The following CCDC15 variants were observed in gnomAD, a reference collection of about 807,000 sequenced individuals.
CCDC15 encodes the protein coiled-coil domain containing 15.
CCDC15 carries 105 observed loss-of-function variants against 114.5 expected under a neutral mutation model. The observed-to-expected ratio is 0.92, with a 90% confidence interval of 0.78 to 1.08. The LOEUF (loss-of-function observed/expected upper bound fraction) is 1.08, where lower values mean the gene tolerates loss of function less well. CCDC15 is among the 50% of genes least tolerant of loss of function. CCDC15 has a pLI of 0.00. For synonymous variants in CCDC15, 334 were observed against 377.8 expected (o/e 0.88, Z 1.34); for missense variants, 1,105 against 1,093.6 (o/e 1.01, Z -0.15).
intron 8 of CCDC15, 97 bp downstream of exon 8, chr11:124,988,231 T>G: frequency 7.8e-7 from 1 of 1,289,504 alleles, no homozygotes; most frequent in Non-Finnish European, 1.1e-6. Flanking sequence ...TTGGAGATAC[T>G]GTGGGTTCAG....
intron 6 of CCDC15, among the ~76,000 whole-genome samples, chr11:124,977,817 A>T (rs1304249844): frequency 6.6e-6 from 1 of 152,148 alleles, no homozygotes; most frequent in East Asian, 1.9e-4. Context: ...CTGTTACCAC[A>T]ATCTAATTTA....
rs970182683 is a variant in CCDC15, at chr11:125,040,947, G to A, written c.*236G>A. On this transcript the variant is annotated 3_prime_UTR_variant, in exon 16 of 16. Coordinates refer to ENST00000344762, the MANE Select transcript of CCDC15 (RefSeq NM_025004.3). ...TACGGAGCCTATTATTTTAAAATATGATCAGACAAGTAAGGCTTCTCTTAC... is the reference window on the plus strand; with the variant it reads ...TACGGAGCCTATTATTTTAAAATATAATCAGACAAGTAAGGCTTCTCTTAC... 1 of 447,310 alleles carries A rather than the reference G, an allele frequency of 2.2e-6. No homozygotes were observed. Among genetic ancestry groups the A allele is most frequent in the Admixed American group, 3.6e-5 (1 of 27,524 alleles). 27.7% of individuals were successfully genotyped at this position (447,310 alleles called of 1,614,324 possible). A position where few individuals can be genotyped will look rare whatever the true frequency, so the allele number is the denominator to read the frequency against.
chr11:125,010,535 A>T (rs900030577), intron 13 of CCDC15, among the ~76,000 whole-genome samples: 1 of 151,744 alleles, frequency 6.6e-6, no homozygotes, highest in African/African-American at 2.4e-5. Context: ...TAATTTTTGT[A>T]TTTTTAGTAG....
In CCDC15 at chr11:125,040,804, T is replaced by G; in HGVS notation, c.*93T>G. 9.2e-7 allele frequency: 1 copy of G among 1,081,518 alleles called. No homozygotes were observed. The highest frequency in any genetic ancestry group is 1.3e-6 in the Non-Finnish European group (1 of 756,658). 67.0% of individuals were successfully genotyped at this position (1,081,518 alleles called of 1,614,324 possible). A position where few individuals can be genotyped will look rare whatever the true frequency, so the allele number is the denominator to read the frequency against. On this transcript the variant is annotated 3_prime_UTR_variant, in exon 16 of 16. Transcript: ENST00000344762. ...GAAAAGCTGTTCAAGTTATAAAATATATAATCTGGGAAGAAATACTGTCTC... is the reference window on the plus strand; with the variant it reads ...GAAAAGCTGTTCAAGTTATAAAATAGATAATCTGGGAAGAAATACTGTCTC...
chr11:124,959,382 T>G (rs1591566749), intron 3 of CCDC15, 118 bp downstream of exon 3: 1 of 858,358 alleles, frequency 1.2e-6, no homozygotes, highest in African/African-American at 1.8e-5. Context: ...ATAATCTAAT[T>G]AACTAGTGAA....
chr11:125,029,293 C>A (rs1948723335), intron 13 of CCDC15, among the ~76,000 whole-genome samples: 1 of 152,158 alleles, frequency 6.6e-6, no homozygotes, highest in Admixed American at 6.5e-5. Flanking sequence ...TTAACCATCA[C>A]AAGTCTACCA....
At position 124,954,777 on chromosome 11, in the gene CCDC15, G is replaced by A. The variant is rs750287409; in HGVS notation, c.45G>A (p.Arg15=). The change falls in exon 2 of 16, where the codon AGG becomes AGA. Residue 15 remains arginine (R), a synonymous_variant. Coordinates refer to ENST00000344762, the MANE Select transcript of CCDC15 (RefSeq NM_025004.3). ...GAAAGAAACCTCGAAATACCTCAAGGTTGCCCCTGGCTTTAAACCCCCTGA... is the reference window on the plus strand; with the variant it reads ...GAAAGAAACCTCGAAATACCTCAAGATTGCCCCTGGCTTTAAACCCCCTGA... ...MARKKPRNTS[R]LPLALNPLKS... The A allele has an allele frequency of 4.3e-6, 7 of 1,613,862 alleles. No homozygotes were observed. Among genetic ancestry groups the A allele is most frequent in the Middle Eastern group, 3.3e-4 (2 of 6,084 alleles).
intron 13 of CCDC15, among the ~76,000 whole-genome samples, chr11:125,020,989 A>G (rs1423255951): frequency 1.3e-5 from 2 of 151,758 alleles, no homozygotes; most frequent in Admixed American, 1.3e-4. Context: ...GTAGATAAAT[A>G]GGCTCGAATA....
intron 13 of CCDC15, among the ~76,000 whole-genome samples, chr11:125,016,978 T>G (rs1360821457): frequency 6.6e-6 from 1 of 152,208 alleles, no homozygotes; most frequent in East Asian, 1.9e-4. Context: ...GACTTAATCT[T>G]GTATTGATAG....
intron 11 of CCDC15, among the ~76,000 whole-genome samples, chr11:125,002,339 T>C (rs1357220612): frequency 6.6e-6 from 1 of 152,182 alleles, no homozygotes; most frequent in African/African-American, 2.4e-5. Flanking sequence ...TGTTTTTCTG[T>C]TCTGTGGGTT....
intron 13 of CCDC15, among the ~76,000 whole-genome samples, chr11:125,035,748 C>T (rs998669477): frequency 2.0e-5 from 3 of 151,816 alleles, no homozygotes; most frequent in African/African-American, 7.3e-5. Context: ...TGTATGTTTC[C>T]AAATATGAAG....
At chr11:125,028,196 T>G (rs1202344615) in intron 13 of CCDC15, among the ~76,000 whole-genome samples, 5 of 152,372 alleles carry the variant, frequency 3.3e-5, no homozygotes, top group Non-Finnish European at 7.3e-5. Flanking sequence ...GATAATGTGA[T>G]GCCTCCAGGT....
At chr11:125,017,350 G>A (rs757781457) in intron 13 of CCDC15, among the ~76,000 whole-genome samples, 10 of 151,980 alleles carry the variant, frequency 6.6e-5, no homozygotes, top group South Asian at 2.1e-4. Context: ...AGATAAATAC[G>A]GTCATGCACC....
chr11:125,011,248 A>ATTATTTTTTTTTT (rs1440220391), intron 13 of CCDC15, among the ~76,000 whole-genome samples: 19 of 147,234 alleles, frequency 1.3e-4, no homozygotes, highest in African/African-American at 4.3e-4. Flanking sequence ...TATTATTATT[A>ATTATTTTTTTTTT]TTTTTTAAGA....
chr11:124,956,765 A>G (rs1947558711), intron 2 of CCDC15, among the ~76,000 whole-genome samples: 1 of 152,240 alleles, frequency 6.6e-6, no homozygotes, highest in Admixed American at 6.5e-5. Context: ...TTGATCAAGC[A>G]TCTAATAGAA....
rs774008430 is a variant in CCDC15, at chr11:124,987,502, GT to G, written c.1280del (p.Leu427TyrfsTer221). The part of the protein sequence containing the change: ...NQALLTKNQD[V>X]LLKDHCVLPK... ...GGCTCTTCTAACGAAAAACCAGGATGTTTTACTCAAAGACCACTGTGTTCTC... is the reference window on the plus strand; with the variant it reads ...GGCTCTTCTAACGAAAAACCAGGATGTTTACTCAAAGACCACTGTGTTCTC... On this transcript the variant is annotated frameshift_variant, in exon 8 of 16. Transcript: ENST00000344762. LOFTEE classifies it high-confidence loss of function. 24 of 1,614,006 alleles carry G rather than the reference GT, an allele frequency of 1.5e-5. No homozygotes were observed. Among genetic ancestry groups the G allele is most frequent in the Admixed American group, 1.7e-5 (1 of 60,028 alleles).
chr11:124,965,689 A>T (rs759047824), intron 4 of CCDC15, among the ~76,000 whole-genome samples: 1 of 151,622 alleles, frequency 6.6e-6, no homozygotes, highest in Non-Finnish European at 1.5e-5. Flanking sequence ...CTAGCTTTTG[A>T]ATTTGTTTTC....
chr11:124,985,513 C>G (rs1948143340), intron 6 of CCDC15, among the ~76,000 whole-genome samples: 16 of 152,156 alleles, frequency 1.1e-4, no homozygotes, highest in Admixed American at 1.0e-3. Flanking sequence ...TCTGTTATAG[C>G]TATCCTAGTA....
In CCDC15 at chr11:124,991,504, A is replaced by G; in HGVS notation, c.1952A>G (p.Lys651Arg). 6.2e-7 allele frequency: 1 copy of G among 1,604,414 alleles called. No homozygotes were observed. The highest frequency in any genetic ancestry group is 2.2e-5 in the East Asian group (1 of 44,820). The change falls in exon 9 of 16, where the codon AAA becomes AGA. Residue 651 changes from lysine (K) to arginine (R), a missense_variant. Coordinates refer to ENST00000344762, the MANE Select transcript of CCDC15 (RefSeq NM_025004.3). ...CCATACTCTGATATGACAGATGAGAAAGGGAGAGAAGACTTTTCTCTGGCA... is the reference window on the plus strand; with the variant it reads ...CCATACTCTGATATGACAGATGAGAGAGGGAGAGAAGACTTTTCTCTGGCA... ...KEPYSDMTDE[K>R]GREDFSLADY... is the part of the protein sequence containing the mutation.
Sources: allele counts gnomAD v4.1 joint callset (sites outside exome capture counted in the v4.1 genomes callset), GRCh38; gene constraint gnomAD v4.1.1; transcripts MANE v1.5; gene names NCBI Gene and HGNC (gene_info 2026-07-23, HGNC 2026-07-21).